Variants in BCR observed in about 807,000 individuals in gnomAD.
BCR encodes the protein breakpoint cluster region protein.
In BCR, 58 loss-of-function variants were observed where a neutral mutation model predicts 138.6. That is an observed-to-expected ratio of 0.42 (90% CI 0.34 to 0.52). The LOEUF (loss-of-function observed/expected upper bound fraction) is 0.52. Among genes scored for constraint, BCR ranks in the 20% least tolerant of loss-of-function variants. BCR has a pLI of 0.06. For synonymous variants in BCR, 786 were observed against 730.1 expected (o/e 1.08, Z -1.23); for missense variants, 1,599 against 1,727.2 (o/e 0.93, Z 1.32).
chr22:23,229,241 T>C (rs897884495), intron 1 of BCR, among the ~76,000 whole-genome samples: 6 of 152,218 alleles, frequency 3.9e-5, no homozygotes, highest in African/African-American at 1.4e-4. Flanking sequence ...AAGGCCTGTC[T>C]TTTTATTTGT....
chr22:23,238,179 CT>C lies in BCR; in HGVS notation c.1280-15618del, dbSNP rs371299815. ...CCGGTCATCCTGGTTGGTTTATTGT[CT>C]TGTTTTTTAAGGGGGATGATCGAAG... is the stretch of plus-strand genomic sequence containing the variant. On this transcript the variant is annotated intron_variant, in intron 1 of 22. Transcript: ENST00000305877. Among the ~76,000 whole-genome samples, 32 of 152,054 alleles carry C rather than the reference CT, an allele frequency of 2.1e-4. No individual in the cohort carries two copies. The East Asian group carries it at 5.6e-3, about 27-fold the overall frequency.
chr22:23,262,767 CGAG>C, intron 4 of BCR: 1 of 935,972 alleles, frequency 1.1e-6, no homozygotes, highest in South Asian at 4.8e-5. Context: ...GGGAGGGTGA[CGAG>C]GGGGAAGCGA....
In BCR at chr22:23,289,923, C is replaced by T. The variant is rs78176970; in HGVS notation, c.2707+302C>T. 2.9e-3 allele frequency: 1,501 copies of T among 519,662 alleles called. 19 individuals are homozygous for T. The highest frequency in any genetic ancestry group is 0.017 in the African/African-American group (909 of 52,348). The allele number at this position is 519,662 out of a possible 1,614,324, so 32.2% of individuals were successfully genotyped here. On this transcript the variant is annotated intron_variant, in intron 13 of 22. Transcript: ENST00000305877. ...TGTGCCTTGGATCTGGCCCCACTCC[C>T]GTCCTCCCAGCCCTCCTCTCCTCCA... is the stretch of plus-strand genomic sequence containing the variant.
chr22:23,222,615 G>C (rs530950987), intron 1 of BCR, among the ~76,000 whole-genome samples: 1 of 152,296 alleles, frequency 6.6e-6, no homozygotes, highest in Admixed American at 6.5e-5. Context: ...CTGGGAGAGG[G>C]GAGCGTGGCA....
At chr22:23,222,825 A>G (rs2072841475) in intron 1 of BCR, among the ~76,000 whole-genome samples, 1 of 152,208 alleles carries the variant, frequency 6.6e-6, no homozygotes, top group Non-Finnish European at 1.5e-5. Context: ...TGCTTCTGAT[A>G]AAGACTAACA....
At chr22:23,188,774 T>TC (rs398036609) in intron 1 of BCR, among the ~76,000 whole-genome samples, 8 of 151,708 alleles carry the variant, frequency 5.3e-5, no homozygotes, top group African/African-American at 1.2e-4. Context: ...GTTTTTTTTT[T>TC]CCCCTTTTGA....
At chr22:23,188,237 A>G (rs1226233260) in intron 1 of BCR, among the ~76,000 whole-genome samples, 2 of 152,210 alleles carry the variant, frequency 1.3e-5, no homozygotes, top group African/African-American at 4.8e-5. Flanking sequence ...ATCAAATTTT[A>G]CAAGCGTTCT....
rs573509209 is a variant in BCR at position 23,203,856 on chromosome 22, C to G, written c.1279+21617C>G. Among the ~76,000 whole-genome samples, 24 of 152,290 alleles carry G rather than the reference C, an allele frequency of 1.6e-4. No individual in the cohort carries two copies. In the South Asian group the frequency reaches 4.1e-3, roughly 26 times the overall value. Reference sequence around the variant, plus strand: ...CCAGTTAATTCTGGCTCATGGAGTTCCTGCTTGGCTTTCATTGAAGCTCCA... The same window carrying G: ...CCAGTTAATTCTGGCTCATGGAGTTGCTGCTTGGCTTTCATTGAAGCTCCA... On this transcript the variant is annotated intron_variant, in intron 1 of 22. Coordinates refer to ENST00000305877, the MANE Select transcript of BCR (RefSeq NM_004327.4).
chr22:23,305,333 G>A (rs1044408598), intron 16 of BCR, among the ~76,000 whole-genome samples: 1 of 152,176 alleles, frequency 6.6e-6, no homozygotes, highest in Non-Finnish European at 1.5e-5. Flanking sequence ...GGTGACGATG[G>A]GCGTGAAGGA....
At chr22:23,306,952 G>T (rs1447443276) in intron 16 of BCR, 1 of 152,474 alleles carries the variant, frequency 6.6e-6, no homozygotes, top group Non-Finnish European at 1.5e-5. Context: ...TTCTCTTTCT[G>T]TCTCTTCTTA....
At chr22:23,296,017 C>A (rs2146312947) in intron 16 of BCR, among the ~76,000 whole-genome samples, 1 of 152,234 alleles carries the variant, frequency 6.6e-6, no homozygotes, top group African/African-American at 2.4e-5. Context: ...CCTAGAAGCA[C>A]AGGGCTCCTC....
At chr22:23,217,835 T>C (rs1432230656) in intron 1 of BCR, among the ~76,000 whole-genome samples, 1 of 152,194 alleles carries the variant, frequency 6.6e-6, no homozygotes, top group African/African-American at 2.4e-5. Context: ...GGCACTCCCA[T>C]GAAGGCGGGG....
At chr22:23,253,336 A>G (rs1288043802) in intron 1 of BCR, among the ~76,000 whole-genome samples, 1 of 152,150 alleles carries the variant, frequency 6.6e-6, no homozygotes, top group African/African-American at 2.4e-5. Context: ...GGTCTTCCCC[A>G]GAGAGTTGGG....
chr22:23,236,021 A>T (rs2073018840), intron 1 of BCR, among the ~76,000 whole-genome samples: 2 of 152,222 alleles, frequency 1.3e-5, no homozygotes, highest in African/African-American at 4.8e-5. Flanking sequence ...GGCATCTCAG[A>T]GTGCCACCCC....
chr22:23,208,680 C>T (rs1461332652), intron 1 of BCR, among the ~76,000 whole-genome samples: 1 of 152,098 alleles, frequency 6.6e-6, no homozygotes, highest in Non-Finnish European at 1.5e-5. Flanking sequence ...TGGTGAAACC[C>T]CGTCTCTACT....
intron 20 of BCR, 31 bp from the exon 21 acceptor site, chr22:23,313,937 A>AC (rs1445488640): frequency 6.3e-7 from 1 of 1,583,710 alleles, no homozygotes; most frequent in Non-Finnish European, 8.7e-7. Flanking sequence ...GCTCGTTGTG[A>AC]CCCCAAGGAG....
chr22:23,303,227 G>A (rs131682), intron 16 of BCR, among the ~76,000 whole-genome samples: 44,670 of 152,014 alleles, frequency 0.29, 8,131 homozygotes, highest in East Asian at 0.71. Context: ...AGATACCACA[G>A]AGAATGAACT....
intron 1 of BCR, among the ~76,000 whole-genome samples, chr22:23,218,819 T>G (rs993488848): frequency 1.3e-5 from 2 of 152,242 alleles, no homozygotes; most frequent in African/African-American, 2.4e-5. Context: ...TTTTTTTCTG[T>G]CCTGGAATGA....
chr22:23,181,401 C>T lies in BCR; in HGVS notation c.441C>T (p.Pro147=), dbSNP rs755855428. Residue 147 remains proline (P), a synonymous_variant, in exon 1 of 23, where the codon CCC becomes CCT. Transcript: ENST00000305877. ...AASGERDDRG[P]PASVAALRSN... ...CGGGGGAACGGGACGACCGGGGACC[C>T]CCCGCCAGCGTGGCGGCGCTCAGGT... is the stretch of plus-strand genomic sequence containing the variant. 1.3e-6 allele frequency: 2 copies of T among 1,565,384 alleles called. No homozygotes were observed. The highest frequency in any genetic ancestry group is 1.7e-6 in the Non-Finnish European group (2 of 1,155,528).
Sources: allele counts gnomAD v4.1 joint callset (sites outside exome capture counted in the v4.1 genomes callset), GRCh38; gene constraint gnomAD v4.1.1; transcripts MANE v1.5; gene names NCBI Gene and HGNC (gene_info 2026-07-23, HGNC 2026-07-21).